The following GALNT16 variants were observed in gnomAD, a reference collection of about 807,000 sequenced individuals.
The protein encoded by GALNT16 is polypeptide N-acetylgalactosaminyltransferase 16, also known as UDP-GalNAc:polypeptide N-acetylgalactosaminyltransferase-like protein 1.
GALNT16 carries 40 observed loss-of-function variants against 76.1 expected under a neutral mutation model. The ratio of observed to expected loss-of-function variants is 0.53; its 90% CI spans 0.41 to 0.68. GALNT16 has a LOEUF of 0.68. GALNT16 is among the 30% of genes least tolerant of loss of function. The pLI, the probability that GALNT16 is intolerant of heterozygous loss-of-function variation, is 0.00. For synonymous variants in GALNT16, 276 were observed against 285.2 expected (o/e 0.97, Z 0.32); for missense variants, 621 against 731.9 (o/e 0.85, Z 1.75).
intron 10 of GALNT16, among the ~76,000 whole-genome samples, 181 bp from the exon 11 acceptor site, chr14:69,339,346 A>G (rs1231551878): frequency 1.3e-5 from 2 of 152,168 alleles, no homozygotes; most frequent in Non-Finnish European, 2.9e-5. Context: ...GCATACCTAC[A>G]AAGTCGATGG....
At chr14:69,323,804 G>T (rs2045238200) in intron 2 of GALNT16, among the ~76,000 whole-genome samples, 1 of 152,226 alleles carries the variant, frequency 6.6e-6, no homozygotes, top group Non-Finnish European at 1.5e-5. Flanking sequence ...GGGAATTCGG[G>T]CTGTAAGCTG....
chr14:69,365,667 T>G, the GALNT16 span, among the ~76,000 whole-genome samples: 1 of 152,086 alleles, frequency 6.6e-6, no homozygotes, highest in Non-Finnish European at 1.5e-5. Flanking sequence ...GAATAGTCAA[T>G]GGATGCTGGG....
intron 11 of GALNT16, among the ~76,000 whole-genome samples, 191 bp downstream of exon 11, chr14:69,339,810 C>T (rs1053846677): frequency 2.0e-5 from 3 of 152,200 alleles, no homozygotes; most frequent in Admixed American, 6.5e-5. Context: ...CTTTGAGGAG[C>T]GTGAAATCTC....
At chr14:69,346,803 C>G (rs568582624) in intron 12 of GALNT16, among the ~76,000 whole-genome samples, 1 of 152,158 alleles carries the variant, frequency 6.6e-6, no homozygotes, top group Admixed American at 6.5e-5. Context: ...ATGTCTCAGG[C>G]CCAGCCTCCA....
rs8016589 is a variant in GALNT16 at position 69,353,851 on chromosome 14, C to T, written c.*1683C>T. 18,665 of 152,524 alleles carry T rather than the reference C, an allele frequency of 0.12. 1,373 individuals are homozygous for T. The highest frequency in any genetic ancestry group is 0.26 in the Middle Eastern group (77 of 300). The allele number at this position is 152,524 out of a possible 1,614,324, so 9.4% of individuals were successfully genotyped here. A position where few individuals can be genotyped will look rare whatever the true frequency, so the allele number is the denominator to read the frequency against. On this transcript the variant is annotated 3_prime_UTR_variant, in exon 15 of 15. Coordinates refer to ENST00000448469, the MANE Select transcript of GALNT16 (RefSeq NM_001168368.2). ...AATCTTCCTCCCTGGCGTGCTCAAACTGCCATCGCCTGCTCCCTCCACACG... is the reference window on the plus strand; with the variant it reads ...AATCTTCCTCCCTGGCGTGCTCAAATTGCCATCGCCTGCTCCCTCCACACG...
intron 1 of GALNT16, among the ~76,000 whole-genome samples, chr14:69,292,348 G>A (rs2044697331): frequency 6.6e-6 from 1 of 152,246 alleles, no homozygotes; most frequent in African/African-American, 2.4e-5. Context: ...TCTGTCCTGA[G>A]ACAGAGGGGA....
Position 69,322,939 on chromosome 14 carries a change from T to G in GALNT16, c.336-1753T>G, listed in dbSNP as rs1182489696. On this transcript the variant is annotated intron_variant, in intron 2 of 14. Transcript: ENST00000448469. ...GTGGCTCACGGGGTGTGTGTGTGTG[T>G]GTGTGTGTGTGTGTGTGTGTGTGTG... is the stretch of plus-strand genomic sequence containing the variant. Among the ~76,000 whole-genome samples the G allele has an allele frequency of 9.9e-5, 6 of 60,412 alleles. No homozygotes were observed. In the South Asian group the frequency reaches 4.1e-3, roughly 42 times the overall value. The allele number at this position is 60,412 out of a possible 152,430, so 39.6% of individuals were successfully genotyped here.
intron 1 of GALNT16, among the ~76,000 whole-genome samples, chr14:69,279,232 A>G (rs114486546): frequency 0.022 from 3,383 of 152,244 alleles, 129 homozygotes; most frequent in African/African-American, 0.078. Context: ...ACGCCTGGCC[A>G]TTTATCTTAA....
At chr14:69,300,502 G>A (rs1170407248) in intron 1 of GALNT16, among the ~76,000 whole-genome samples, 1 of 152,164 alleles carries the variant, frequency 6.6e-6, no homozygotes, top group Admixed American at 6.5e-5. Context: ...AGAAAACCAC[G>A]CTTGCTTTTG....
the GALNT16 span, among the ~76,000 whole-genome samples, chr14:69,377,740 G>C: frequency 7.6e-6 from 1 of 131,412 alleles, no homozygotes; most frequent in African/African-American, 2.9e-5. Context: ...CTGGGAGATT[G>C]AGGCTGCAGT....
chr14:69,294,652 C>G (rs1000157302), intron 1 of GALNT16, among the ~76,000 whole-genome samples: 47 of 152,142 alleles, frequency 3.1e-4, no homozygotes, highest in African/African-American at 1.1e-3. Context: ...CTCTCTGTCT[C>G]CATGGATTTG....
At chr14:69,299,096 T>A (rs1187557207) in intron 1 of GALNT16, among the ~76,000 whole-genome samples, 2 of 152,214 alleles carry the variant, frequency 1.3e-5, no homozygotes, top group Non-Finnish European at 2.9e-5. Flanking sequence ...TGTCCATATC[T>A]AGGGCCCGAT....
Position 69,326,003 on chromosome 14 carries a change from T to G in GALNT16, c.544T>G (p.Cys182Gly). The G allele has an allele frequency of 6.2e-7, 1 of 1,614,064 alleles. No individual in the cohort carries two copies. The change falls in exon 5 of 15, where the codon TGC becomes GGC. Residue 182 changes from cysteine to glycine, a missense_variant. Physicochemically the swap from Cys to Gly is radical, Grantham distance 159. Coordinates refer to ENST00000448469, the MANE Select transcript of GALNT16 (RefSeq NM_001168368.2). Reference sequence around the variant, plus strand: ...CCTGACCAGGATCCCCAAGGTCAAGTGCCTGCGCAATGATCGGCGGGAAGG... The same window carrying G: ...CCTGACCAGGATCCCCAAGGTCAAGGGCCTGCGCAATGATCGGCGGGAAGG... Reference protein sequence around the residue: ...LLLTRIPKVKCLRNDRREGLI... With the variant: ...LLLTRIPKVKGLRNDRREGLI...
the GALNT16 span, among the ~76,000 whole-genome samples, chr14:69,371,336 C>A: frequency 6.6e-6 from 1 of 152,192 alleles, no homozygotes; most frequent in South Asian, 2.1e-4. Flanking sequence ...TCACTGCAAC[C>A]TCCCACTCCC....
chr14:69,301,860 T>A (rs2044857565), intron 1 of GALNT16, among the ~76,000 whole-genome samples: 1 of 152,090 alleles, frequency 6.6e-6, no homozygotes, highest in Non-Finnish European at 1.5e-5. Flanking sequence ...CATGGTGGTG[T>A]GCACCTGTAG....
intron 1 of GALNT16, among the ~76,000 whole-genome samples, chr14:69,305,460 G>T (rs962493522): frequency 2.0e-5 from 3 of 152,116 alleles, no homozygotes; most frequent in Admixed American, 2.0e-4. Context: ...ACTGCGCCTA[G>T]CCCTGACAAG....
At chr14:69,293,966 C>T (rs569975249) in intron 1 of GALNT16, among the ~76,000 whole-genome samples, 17 of 152,210 alleles carry the variant, frequency 1.1e-4, no homozygotes, top group Admixed American at 1.1e-3. Flanking sequence ...TCTCGGCTCA[C>T]TGCAACCTCT....
At chr14:69,320,088 C>T (rs75151747) in intron 1 of GALNT16, among the ~76,000 whole-genome samples, 1 of 147,402 alleles carries the variant, frequency 6.8e-6, no homozygotes, top group Non-Finnish European at 1.5e-5. Flanking sequence ...AGGACTCACC[C>T]CCCCAATATC....
At chr14:69,327,766 C>T (rs1216198594) in intron 5 of GALNT16, among the ~76,000 whole-genome samples, 2 of 152,204 alleles carry the variant, frequency 1.3e-5, no homozygotes, top group Non-Finnish European at 2.9e-5. Flanking sequence ...GCTGGGCCTC[C>T]TCCCTCCTGA....
Sources: gnomAD v4.1 joint callset for allele counts (sites outside exome capture counted in the v4.1 genomes callset) on GRCh38, gnomAD v4.1.1 for gene constraint, MANE v1.5 for transcripts, NCBI Gene and HGNC (gene_info 2026-07-23, HGNC 2026-07-21) for gene names.